Variants in KIAA1217 observed in about 807,000 individuals in gnomAD.
KIAA1217 encodes the protein sickle tail protein homolog.
Under a neutral mutation model 163.9 loss-of-function variants are expected in KIAA1217, and 88 were observed. The observed-to-expected ratio is 0.54, with a 90% CI of 0.45 to 0.64. The LOEUF is 0.64. Among genes scored for constraint, KIAA1217 ranks in the 30% least tolerant of loss-of-function variants. The pLI is 0.00. For synonymous variants in KIAA1217, 903 were observed against 923.1 expected (o/e 0.98, Z 0.39); for missense variants, 2,372 against 2,475.0 (o/e 0.96, Z 0.88).
chr10:23,813,421 C>T (rs1329607672), intron 1 of KIAA1217, among the ~76,000 whole-genome samples: 1 of 151,342 alleles, frequency 6.6e-6, no homozygotes, highest in Non-Finnish European at 1.5e-5. Flanking sequence ...AAACCTTGTC[C>T]TGTCCTATTC....
At chr10:24,438,658 G>T (rs2060252486) in intron 5 of KIAA1217, among the ~76,000 whole-genome samples, 179 bp downstream of exon 5, 1 of 152,080 alleles carries the variant, frequency 6.6e-6, no homozygotes, top group African/African-American at 2.4e-5. Context: ...TGGTTATTTA[G>T]GGCAAAGGGA....
chr10:23,747,942 A>G (rs181112659), intron 1 of KIAA1217, among the ~76,000 whole-genome samples: 608 of 152,232 alleles, frequency 4.0e-3, no homozygotes, highest in African/African-American at 0.013. Context: ...CCCAGGAGTG[A>G]CTGTTGTGCG....
chr10:23,742,004 T>C (rs1313314466), intron 1 of KIAA1217, among the ~76,000 whole-genome samples: 3 of 152,164 alleles, frequency 2.0e-5, no homozygotes, highest in African/African-American at 7.2e-5. Flanking sequence ...CATCACTCAA[T>C]GCTCTAGAGA....
intron 2 of KIAA1217, among the ~76,000 whole-genome samples, chr10:24,222,941 C>T (rs990631424): frequency 1.3e-5 from 2 of 152,102 alleles, no homozygotes; most frequent in African/African-American, 4.8e-5. Context: ...TTATTCATGC[C>T]TCCCCTTTTT....
At chr10:23,760,166 G>T (rs986354021) in intron 1 of KIAA1217, among the ~76,000 whole-genome samples, 4 of 152,186 alleles carry the variant, frequency 2.6e-5, no homozygotes, top group Non-Finnish European at 4.4e-5. Flanking sequence ...AAAGTGTGAA[G>T]AGCTGAAAGT....
intron 2 of KIAA1217, among the ~76,000 whole-genome samples, chr10:24,240,907 A>T (rs1455223234): frequency 6.6e-6 from 1 of 151,770 alleles, no homozygotes; most frequent in Non-Finnish European, 1.5e-5. Flanking sequence ...CCTAGGCTGA[A>T]GTGCAGTGGC....
intron 5 of KIAA1217, among the ~76,000 whole-genome samples, chr10:24,446,511 G>A (rs1322161821): frequency 6.6e-6 from 1 of 152,160 alleles, no homozygotes; most frequent in East Asian, 1.9e-4. Context: ...TTCTTGTTGA[G>A]AAGAGGGGTT....
chr10:23,983,852 G>A (rs776772620), intron 1 of KIAA1217, among the ~76,000 whole-genome samples: 11 of 152,126 alleles, frequency 7.2e-5, no homozygotes, highest in Non-Finnish European at 1.6e-4. Flanking sequence ...TTGACATTAG[G>A]TCCATATGTT....
intron 1 of KIAA1217, among the ~76,000 whole-genome samples, chr10:24,002,597 T>G (rs1397993669): frequency 6.6e-6 from 1 of 152,192 alleles, no homozygotes; most frequent in Non-Finnish European, 1.5e-5. Context: ...ATGTATTATT[T>G]AATAAGGACA....
intron 1 of KIAA1217, among the ~76,000 whole-genome samples, chr10:23,848,537 A>T (rs1463782426): frequency 6.6e-6 from 1 of 151,964 alleles, no homozygotes; most frequent in Non-Finnish European, 1.5e-5. Flanking sequence ...CTAAAACTGA[A>T]CTCAGGAGTC....
At chr10:24,272,226 G>A (rs2076842067) in intron 2 of KIAA1217, among the ~76,000 whole-genome samples, 1 of 152,198 alleles carries the variant, frequency 6.6e-6, no homozygotes, top group Non-Finnish European at 1.5e-5. Flanking sequence ...TACTCAGTTA[G>A]GGATGTCAGT....
At chr10:24,274,799 C>T (rs962788227) in intron 2 of KIAA1217, among the ~76,000 whole-genome samples, 1 of 152,158 alleles carries the variant, frequency 6.6e-6, no homozygotes, top group Admixed American at 6.5e-5. Context: ...TTGAACTAAG[C>T]TTATCTAATG....
At chr10:23,969,137 C>T (rs748392108) in intron 1 of KIAA1217, among the ~76,000 whole-genome samples, 6 of 152,238 alleles carry the variant, frequency 3.9e-5, no homozygotes, top group East Asian at 1.9e-4. Flanking sequence ...CAGGTTCAAG[C>T]GATTCCCCCA....
chr10:24,491,443 C>G (rs1172286387), intron 6 of KIAA1217, among the ~76,000 whole-genome samples: 1 of 151,924 alleles, frequency 6.6e-6, no homozygotes, highest in Non-Finnish European at 1.5e-5. Context: ...TCATGTGCCA[C>G]CACACCCAGC....
At chr10:24,387,485 A>C (rs1314305063) in intron 3 of KIAA1217, among the ~76,000 whole-genome samples, 1 of 152,242 alleles carries the variant, frequency 6.6e-6, no homozygotes, top group Non-Finnish European at 1.5e-5. Flanking sequence ...TCCCTTTGAA[A>C]ACTGGTAGAA....
chr10:24,167,843 A>G (rs1406187582), intron 2 of KIAA1217, among the ~76,000 whole-genome samples: 2 of 152,188 alleles, frequency 1.3e-5, no homozygotes, highest in Non-Finnish European at 2.9e-5. Context: ...AGGGGTTGGC[A>G]TCTGGCAAAG....
At chr10:23,934,577 A>ATGTC (rs1302431868) in intron 1 of KIAA1217, among the ~76,000 whole-genome samples, 1 of 57,914 alleles carries the variant, frequency 1.7e-5, no homozygotes, top group Non-Finnish European at 2.9e-5. Context: ...ATATATATAT[A>ATGTC]TATATATATA....
chr10:24,259,715 C>A lies in KIAA1217; in HGVS notation c.354+39806C>A, dbSNP rs550212906. On this transcript the variant is annotated intron_variant, in intron 2 of 20. Transcript: ENST00000376454. Reference sequence around the variant, plus strand: ...AACTGAACTCCGTGATTCCCCTGTGCCTTCCCCCTGGGAGCCTGAGCCCCC... The same window carrying A: ...AACTGAACTCCGTGATTCCCCTGTGACTTCCCCCTGGGAGCCTGAGCCCCC... Among the ~76,000 whole-genome samples, 14 of 152,322 alleles carry A rather than the reference C, an allele frequency of 9.2e-5. No homozygotes were observed. In the South Asian group the frequency reaches 1.4e-3, roughly 16 times the overall value.
At chr10:23,892,670 T>C (rs923841152) in intron 1 of KIAA1217, among the ~76,000 whole-genome samples, 3 of 151,932 alleles carry the variant, frequency 2.0e-5, no homozygotes, top group Non-Finnish European at 4.4e-5. Flanking sequence ...ATTTATTATG[T>C]TAAATGTCTT....
Sources: gnomAD v4.1 joint callset for allele counts (sites outside exome capture counted in the v4.1 genomes callset) on GRCh38, gnomAD v4.1.1 for gene constraint, MANE v1.5 for transcripts, NCBI Gene and HGNC (gene_info 2026-07-23, HGNC 2026-07-21) for gene names.